Variants in CLEC4G observed in about 807,000 individuals in gnomAD.
CLEC4G encodes the protein C-type lectin superfamily 4, member G.
Under a neutral mutation model 37.0 loss-of-function variants are expected in CLEC4G, and 34 were observed. The observed-to-expected ratio is 0.92, with a 90% CI of 0.70 to 1.22. The LOEUF (loss-of-function observed/expected upper bound fraction) is 1.22. CLEC4G is among the 50% of genes most tolerant of loss of function. CLEC4G has a pLI of 0.00. For missense variants in CLEC4G, 390 were observed against 392.9 expected, an observed-to-expected ratio of 0.99 and a Z score of 0.06; for synonymous variants, 167 against 165.6, an observed-to-expected ratio of 1.01 and a Z score of -0.06.
chr19:7,731,421 C>A, intron 2 of CLEC4G, 102 bp from the exon 3 acceptor site: 1 of 1,503,694 alleles, frequency 6.7e-7, no homozygotes, highest in South Asian at 1.3e-5. Flanking sequence ...AGCGGGCGGG[C>A]AGGCATACAG....
rs1268444576 is a variant in CLEC4G, at chr19:7,729,441, G to A, written c.807C>T (p.His269=). The A allele has an allele frequency of 2.5e-6, 4 of 1,602,078 alleles. No homozygotes were observed. Among genetic ancestry groups the A allele is most frequent in the Non-Finnish European group, 3.4e-6 (4 of 1,169,134 alleles). ...ACGGTGCGTCGTTCCACAGCCCCGT[G>A]TGCAGCATCATGACACAGTTCTCGC... ...WGRENCVMML[H]TGLWNDAPCD... The change falls in exon 9 of 9, where the codon CAC becomes CAT. Residue 269 remains histidine (H), a synonymous_variant. Transcript: ENST00000328853.
In CLEC4G at chr19:7,730,791, C is replaced by G. The variant is rs949708447; in HGVS notation, c.352G>C (p.Glu118Gln). Residue 118 changes from glutamate to glutamine, a missense_variant, in exon 5 of 9, where the codon GAG becomes CAG. Physicochemically the swap from Glu to Gln is conservative, Grantham distance 29. Transcript: ENST00000328853. This position sits in a 1 kb window ranked among gnomAD's most constrained non-coding sequence, Gnocchi z 7.3. ...ELGEAQAKLMEQESALRELRE... is the reference protein window; with the variant it reads ...ELGEAQAKLMQQESALRELRE... ...AGTTCCCGCAGGGCGCTCTCCTGCT[C>G]CATCAGCTTCGCCTGCGCCTCCCCA... The G allele has an allele frequency of 1.4e-5, 22 of 1,532,804 alleles. No individual in the cohort carries two copies. The highest frequency in any genetic ancestry group is 2.3e-4 in the Middle Eastern group (1 of 4,372). The allele number at this position is 1,532,804 out of a possible 1,614,324, so 95.0% of individuals were successfully genotyped here.
rs369720849 is a variant in CLEC4G at position 7,731,254 on chromosome 19, C to T, written c.220+12G>A. ...ACGCCCCGGGGGCCCAGGCGCCCGG[C>T]TCTGCACACACCGTTTGTCCTCAGC... On this transcript the variant is annotated intron_variant, in intron 3 of 8. Coordinates refer to ENST00000328853, the MANE Select transcript of CLEC4G (RefSeq NM_198492.4). 8 of 1,591,106 alleles carry T rather than the reference C, an allele frequency of 5.0e-6. No individual in the cohort carries two copies. Among genetic ancestry groups the T allele is most frequent in the Non-Finnish European group, 6.0e-6 (7 of 1,172,606 alleles).
chr19:7,729,749 T>C (rs1245508647), intron 8 of CLEC4G, 72 bp downstream of exon 8: 1 of 1,583,418 alleles, frequency 6.3e-7, no homozygotes, highest in Non-Finnish European at 8.6e-7. Flanking sequence ...GTCCCTGAGA[T>C]CTAGCCAAAG....
chr19:7,729,644 C>T lies in CLEC4G; in HGVS notation c.744-140G>A, dbSNP rs8108013. ...CCCAACTGTCTAACCTGAGTATACA[C>T]CTGGTATATAACTTTTTAACGCCCA... On this transcript the variant is annotated intron_variant, in intron 8 of 8. Transcript: ENST00000328853. The T allele has an allele frequency of 2.9e-4, 348 of 1,218,148 alleles. No homozygotes were observed. In the African/African-American group the frequency reaches 5.0e-3, roughly 17 times the overall value. 75.5% of individuals were successfully genotyped at this position (1,218,148 alleles called of 1,614,324 possible).
intron 8 of CLEC4G, 46 bp downstream of exon 8, chr19:7,729,775 C>T (rs1308897715): frequency 1.2e-6 from 2 of 1,610,482 alleles, no homozygotes; most frequent in Non-Finnish European, 1.7e-6. Context: ...CCTCTAGAGC[C>T]TAACCTGTCT....
chr19:7,729,423 G>T lies in CLEC4G; in HGVS notation c.825C>A (p.Asp275Glu). 6.2e-7 allele frequency: 1 copy of T among 1,602,244 alleles called. No individual in the cohort carries two copies. Among genetic ancestry groups the T allele is most frequent in the Non-Finnish European group, 8.6e-7 (1 of 1,169,312 alleles). The change falls in exon 9 of 9, where the codon GAC (aspartate) becomes GAA (glutamate). Residue 275 changes from aspartate (D) to glutamate (E), a missense_variant. By Grantham distance (45) the Asp-to-Glu change is conservative. Transcript: ENST00000328853. ...CGTCCTTCTCGCTGTCACACGGTGC[G>T]TCGTTCCACAGCCCCGTGTGCAGCA... ...VMMLHTGLWN[D>E]APCDSEKDGW...
chr19:7,730,859 C>T lies in CLEC4G; in HGVS notation c.284G>A (p.Cys95Tyr), dbSNP rs2033418956. The T allele has an allele frequency of 2.0e-6, 3 of 1,529,388 alleles. 1 individual carries two copies. The highest frequency in any genetic ancestry group is 3.9e-5 in the Admixed American group (2 of 50,698). The allele number at this position is 1,529,388 out of a possible 1,614,324, so 94.7% of individuals were successfully genotyped here. A position where few individuals can be genotyped will look rare whatever the true frequency, so the allele number is the denominator to read the frequency against. ...KEEVGDCHSC[C>Y]SGTQAQLQTT... Reference sequence around the variant, plus strand: ...CTGCAGCTGCGCCTGCGTCCCCGAGCCTGGGAGCCGCAGGGTGAGAGGGGC... The same window carrying T: ...CTGCAGCTGCGCCTGCGTCCCCGAGTCTGGGAGCCGCAGGGTGAGAGGGGC... Residue 95 changes from cysteine (C) to tyrosine (Y), a missense_variant and splice_region_variant, in exon 5 of 9, where the codon TGC becomes TAC. Cys to Tyr is a radical substitution (Grantham distance 194). Coordinates refer to ENST00000328853, the MANE Select transcript of CLEC4G (RefSeq NM_198492.4). The surrounding 1 kb of genome is among the most constrained non-coding windows in gnomAD (Gnocchi z 7.3).
chr19:7,731,843 CTG>C (rs1458744873), intron 1 of CLEC4G, 72 bp from the exon 2 acceptor site: 70 of 1,554,038 alleles, frequency 4.5e-5, no homozygotes, highest in South Asian at 5.9e-5. Flanking sequence ...TCCCAGGAAA[CTG>C]AGATTCAGAG....
rs1307975344 is a variant in CLEC4G, at chr19:7,729,838, T to C, written c.726A>G (p.Gly242=). Residue 242 remains glycine (G), a synonymous_variant, in exon 8 of 9, where the codon GGA becomes GGG. Coordinates refer to ENST00000328853, the MANE Select transcript of CLEC4G (RefSeq NM_198492.4). ...TCCCTCACCTGAAGCTGAGAGAGAC[T>C]CCGTCCACCCACTGGTAGCCCTGAA... The part of the protein sequence containing the change: ...GKVQGYQWVD[G]VSLSFSHWNQ... The C allele has an allele frequency of 1.2e-6, 2 of 1,614,096 alleles. No individual in the cohort carries two copies. The highest frequency in any genetic ancestry group is 8.5e-7 in the Non-Finnish European group (1 of 1,180,006).
In CLEC4G at chr19:7,730,283, C is replaced by T. The variant is rs1216239801; in HGVS notation, c.478+68G>A. ...CAGGGGTGGAGACACAGAACCAGGC[C>T]AAGGTCCAGGAGTGACAGGGTCCGC... On this transcript the variant is annotated intron_variant, in intron 6 of 8. Transcript: ENST00000328853. The surrounding 1 kb of genome is among the most constrained non-coding windows in gnomAD (Gnocchi z 7.3). The T allele has an allele frequency of 2.5e-6, 4 of 1,574,230 alleles. No homozygotes were observed. The highest frequency in any genetic ancestry group is 3.4e-6 in the Non-Finnish European group (4 of 1,163,358).
At chr19:7,729,798 C>T in intron 8 of CLEC4G, 23 bp downstream of exon 8, 1 of 1,613,530 alleles carries the variant, frequency 6.2e-7, no homozygotes, top group Non-Finnish European at 8.5e-7. Context: ...CTCCCCAGGT[C>T]TCACCAGGAG....
intron 3 of CLEC4G, 40 bp downstream of exon 3, chr19:7,731,226 C>T: frequency 6.3e-7 from 1 of 1,578,048 alleles, no homozygotes. Context: ...ACTCCCGCCC[C>T]TCACGCCCCG....
Position 7,730,934 on chromosome 19 carries a change from A to ACCCCCCC in CLEC4G, c.284-76_284-75insGGGGGGG. On this transcript the variant is annotated intron_variant, in intron 4 of 8. Coordinates refer to ENST00000328853, the MANE Select transcript of CLEC4G (RefSeq NM_198492.4). This position sits in a 1 kb window ranked among gnomAD's most constrained non-coding sequence, Gnocchi z 7.3. ...CTTCGGAGACCAGCCCCCGCCCCGCACCACCCGCCGCAGGCCTCCGCCCCG... is the reference window on the plus strand; with the variant it reads ...CTTCGGAGACCAGCCCCCGCCCCGCACCCCCCCCCACCCGCCGCAGGCCTCCGCCCCG... The ACCCCCCC allele has an allele frequency of 7.9e-7, 1 of 1,263,320 alleles. No homozygotes were observed. The highest frequency in any genetic ancestry group is 1.0e-6 in the Non-Finnish European group (1 of 992,050). The allele number at this position is 1,263,320 out of a possible 1,614,324, so 78.3% of individuals were successfully genotyped here. A position where few individuals can be genotyped will look rare whatever the true frequency, so the allele number is the denominator to read the frequency against.
At chr19:7,731,146 G>T in intron 3 of CLEC4G, 58 bp from the exon 4 acceptor site, 1 of 1,597,716 alleles carries the variant, frequency 6.3e-7, no homozygotes. Context: ...AGGACTCAGG[G>T]GACCCCCTTC....
Position 7,730,883 on chromosome 19 carries a change from G to T in CLEC4G, c.284-24C>A. 1 of 1,526,250 alleles carries T rather than the reference G, an allele frequency of 6.6e-7. No homozygotes were observed. Among genetic ancestry groups the T allele is most frequent in the South Asian group, 1.2e-5 (1 of 83,152 alleles). 94.5% of individuals were successfully genotyped at this position (1,526,250 alleles called of 1,614,324 possible). Reference sequence around the variant, plus strand: ...GCCTGGGAGCCGCAGGGTGAGAGGGGCGAGGGCGGCGAGGATGGGGCGGGA... The same window carrying T: ...GCCTGGGAGCCGCAGGGTGAGAGGGTCGAGGGCGGCGAGGATGGGGCGGGA... On this transcript the variant is annotated intron_variant, in intron 4 of 8. Coordinates refer to ENST00000328853, the MANE Select transcript of CLEC4G (RefSeq NM_198492.4). This position sits in a 1 kb window ranked among gnomAD's most constrained non-coding sequence, Gnocchi z 7.3.
rs909699746 is a variant in CLEC4G at position 7,730,736 on chromosome 19, G to A, written c.388+19C>T. ...GGACGCGGCCAGGGCTCAGGGCCGG[G>A]GTCGCGTCGGGCCCTCACCGCGCTC... On this transcript the variant is annotated intron_variant, in intron 5 of 8. Coordinates refer to ENST00000328853, the MANE Select transcript of CLEC4G (RefSeq NM_198492.4). The surrounding 1 kb of genome is among the most constrained non-coding windows in gnomAD (Gnocchi z 7.3). 19 of 1,527,490 alleles carry A rather than the reference G, an allele frequency of 1.2e-5. No homozygotes were observed. The highest frequency in any genetic ancestry group is 1.7e-5 in the Non-Finnish European group (19 of 1,143,096). 94.6% of individuals were successfully genotyped at this position (1,527,490 alleles called of 1,614,324 possible).
intron 3 of CLEC4G, 33 bp downstream of exon 3, chr19:7,731,233 C>G (rs761594132): frequency 6.3e-7 from 1 of 1,581,084 alleles, no homozygotes; most frequent in Non-Finnish European, 8.6e-7. Flanking sequence ...CCCCTCACGC[C>G]CCGGGGGCCC....
rs889784505 is a variant in CLEC4G, at chr19:7,731,176, G to T, written c.221-88C>A. The stretch of plus-strand genomic sequence containing the variant: ...CCCTTCCAGCCTCAGGGACCATAGG[G>T]CCCCCACGCACTCGAGACTCCATCT... On this transcript the variant is annotated intron_variant, in intron 3 of 8. Transcript: ENST00000328853. 1.9e-6 allele frequency: 3 copies of T among 1,581,474 alleles called. No homozygotes were observed. In the African/African-American group the frequency reaches 4.0e-5, roughly 21 times the overall value.
Sources: allele counts gnomAD v4.1 joint callset, GRCh38; gene constraint gnomAD v4.1.1; non-coding constraint Gnocchi (gnomAD v3.1); transcripts MANE v1.5; gene names NCBI Gene and HGNC (gene_info 2026-07-23, HGNC 2026-07-21).